DNMT3B: variants seen among roughly 807,000 people sequenced by gnomAD.
The protein encoded by DNMT3B is DNA (cytosine-5)-methyltransferase 3B.
DNMT3B carries 37 observed loss-of-function variants against 120.2 expected under a neutral mutation model. The observed-to-expected ratio is 0.31, with a 90% CI of 0.24 to 0.40. The LOEUF is 0.40. DNMT3B is among the 10% of genes least tolerant of loss of function. The probability of loss-of-function intolerance (pLI) is 1.00; values close to 1 mark genes in which losing one functional copy is unlikely to be tolerated. For synonymous variants in DNMT3B, 412 were observed against 442.8 expected (o/e 0.93, Z 0.87); for missense variants, 878 against 1,137.3 (o/e 0.77, Z 3.28).
At chr20:32,768,111 G>A (rs1307154698) in intron 1 of DNMT3B, among the ~76,000 whole-genome samples, 3 of 152,162 alleles carry the variant, frequency 2.0e-5, no homozygotes, top group Non-Finnish European at 2.9e-5. Context: ...TTGAACTCCT[G>A]GGTCAAGTGA....
At chr20:32,793,646 C>T (rs765374165) in intron 10 of DNMT3B, 51 bp downstream of exon 10, 1 of 1,598,278 alleles carries the variant, frequency 6.3e-7, no homozygotes, top group South Asian at 1.1e-5. Context: ...GCACTTTCTT[C>T]TGATTTCTTT....
chr20:32,763,091 G>A (rs1253589713), intron 1 of DNMT3B, among the ~76,000 whole-genome samples: 1 of 152,142 alleles, frequency 6.6e-6, no homozygotes, highest in Non-Finnish European at 1.5e-5. Flanking sequence ...CAGGGGCTTT[G>A]CTCATGGGCA....
In DNMT3B at chr20:32,787,452, G is replaced by A; in HGVS notation, c.654+1G>A. ...AGATGGAGACAGTTCAGAGTATCAG[G>A]TATGGCCGAGAGGGGCTCCTGCCCA... is the stretch of plus-strand genomic sequence containing the variant. On this transcript the variant is annotated splice_donor_variant, in intron 6 of 22. Transcript: ENST00000328111. LOFTEE classifies it high-confidence loss of function. The A allele has an allele frequency of 6.2e-7, 1 of 1,612,924 alleles. No individual in the cohort carries two copies. Among genetic ancestry groups the A allele is most frequent in the African/African-American group, 1.3e-5 (1 of 75,038 alleles).
rs577581342 is a variant in DNMT3B at position 32,798,630 on chromosome 20, C to T, written c.1661C>T (p.Thr554Met). The change falls in exon 15 of 23, where the codon ACG becomes ATG. Residue 554 changes from threonine (T) to methionine (M), a missense_variant. This residue lies in a region of DNMT3B where 334 missense variants were observed against 518.8 expected (regional missense o/e 0.64). Coordinates refer to ENST00000328111, the MANE Select transcript of DNMT3B (RefSeq NM_006892.4). ...VRLQAFFTSD[T>M]GLEYEAPKLY... ...CTGCAGGCCTTCTTCACCAGTGACA[C>T]GGGGCTTGAATATGTAAGCCACAGG... The T allele has an allele frequency of 9.4e-5, 151 of 1,613,824 alleles. 1 individual carries two copies. The South Asian group carries it at 1.0e-3, about 11-fold the overall frequency.
In DNMT3B at chr20:32,800,975, C is replaced by G. The variant is rs1423559136; in HGVS notation, c.1996+50C>G. ...CCCTGGAGAGCCTATGTCACCTGAC[C>G]ACTGGCCCAGGTGCAGCAGCCTGAG... is the stretch of plus-strand genomic sequence containing the variant. On this transcript the variant is annotated intron_variant, in intron 18 of 22. Transcript: ENST00000328111. 10 of 1,603,550 alleles carry G rather than the reference C, an allele frequency of 6.2e-6. No homozygotes were observed. In the Admixed American group the frequency reaches 1.5e-4, roughly 24 times the overall value.
At chr20:32,783,912 A>AT (rs3080495) in intron 3 of DNMT3B, among the ~76,000 whole-genome samples, 58,623 of 134,178 alleles carry the variant, frequency 0.44, 13,244 homozygotes, top group East Asian at 0.92. Context: ...TTGTATTTGT[A>AT]TTTTTTTTTT....
chr20:32,807,990 T>C lies in DNMT3B; in HGVS notation c.*87T>C, dbSNP rs1982154624. The C allele has an allele frequency of 1.2e-6, 2 of 1,607,702 alleles. No homozygotes were observed. The highest frequency in any genetic ancestry group is 2.7e-5 in the African/African-American group (2 of 74,802). On this transcript the variant is annotated 3_prime_UTR_variant, in exon 23 of 23. Transcript: ENST00000328111. ...TCCTGAAGGCATCCCCAGGCCCTGC[T>C]CTTCCTCAGCTGTGTGGGTCATACC... is the stretch of plus-strand genomic sequence containing the variant.
Position 32,771,776 on chromosome 20 carries a change from A to G in DNMT3B, c.-6-8542A>G, listed in dbSNP as rs559816013. On this transcript the variant is annotated intron_variant, in intron 1 of 22. Coordinates refer to ENST00000328111, the MANE Select transcript of DNMT3B (RefSeq NM_006892.4). ...TAGGTGTCTGGCTTTACTTACGGGGAAAAATATTAGGTCCCTATCTCATAC... is the reference window on the plus strand; with the variant it reads ...TAGGTGTCTGGCTTTACTTACGGGGGAAAATATTAGGTCCCTATCTCATAC... 4.4e-3 allele frequency among the ~76,000 whole-genome samples: 672 copies of G among 152,240 alleles called. 5 individuals are homozygous for G. Among genetic ancestry groups the G allele is most frequent in the Non-Finnish European group, 6.8e-3 (462 of 68,028 alleles).
chr20:32,780,482 G>C lies in DNMT3B; in HGVS notation c.142+17G>C, dbSNP rs1184110671. The C allele has an allele frequency of 1.1e-5, 17 of 1,610,142 alleles. No homozygotes were observed. Among genetic ancestry groups the C allele is most frequent in the Middle Eastern group, 1.7e-4 (1 of 6,052 alleles). On this transcript the variant is annotated intron_variant, in intron 2 of 22. Transcript: ENST00000328111. ...AGATCAGAGGTGGCTGGGCAGTGGG[G>C]ACTGGGGTGGTGTCAGGCGCTGACA... is the stretch of plus-strand genomic sequence containing the variant.
intron 5 of DNMT3B, 65 bp downstream of exon 5, chr20:32,786,692 T>TG (rs1381482613): frequency 3.7e-6 from 6 of 1,608,766 alleles, no homozygotes; most frequent in Non-Finnish European, 5.1e-6. Flanking sequence ...CCTCACTCAC[T>TG]GCACTACTGG....
At position 32,788,991 on chromosome 20, in the gene DNMT3B, T is replaced by C. The variant is rs557352923; in HGVS notation, c.792T>C (p.Phe264=). 1.2e-6 allele frequency: 2 copies of C among 1,614,150 alleles called. No individual in the cohort carries two copies. Among genetic ancestry groups the C allele is most frequent in the African/African-American group, 1.3e-5 (1 of 75,048 alleles). The change falls in exon 7 of 23, where the codon TTT becomes TTC. Residue 264 remains phenylalanine (F), a synonymous_variant. Coordinates refer to ENST00000328111, the MANE Select transcript of DNMT3B (RefSeq NM_006892.4). ...CTGGCATGCGGTGGGTCCAGTGGTT[T>C]GGCGATGGCAAGTTCTCCGAGGTGA... ...AMSGMRWVQW[F]GDGKFSEVSA...
chr20:32,786,458 C>T (rs768336480), intron 4 of DNMT3B, 44 bp from the exon 5 acceptor site: 10 of 1,613,524 alleles, frequency 6.2e-6, no homozygotes, highest in African/African-American at 1.3e-5. Flanking sequence ...GACCCCAGGC[C>T]TCCAGTCACC....
At chr20:32,802,329 T>G (rs953822662) in intron 19 of DNMT3B, 56 bp from the exon 20 acceptor site, 179 of 1,576,418 alleles carry the variant, frequency 1.1e-4, no homozygotes, top group Non-Finnish European at 1.3e-4. Flanking sequence ...AAAGGTCTGG[T>G]TGACACTGAA....
intron 10 of DNMT3B, among the ~76,000 whole-genome samples, 167 bp downstream of exon 10, chr20:32,793,762 T>G (rs1484808573): frequency 6.6e-6 from 1 of 152,172 alleles, no homozygotes; most frequent in Non-Finnish European, 1.5e-5. Flanking sequence ...CCCTCCAGGT[T>G]AACGTTGGGT....
chr20:32,776,923 C>T (rs764512262), intron 1 of DNMT3B, among the ~76,000 whole-genome samples: 2 of 151,596 alleles, frequency 1.3e-5, no homozygotes, highest in Non-Finnish European at 2.9e-5. Flanking sequence ...TCTTGGCCTG[C>T]GTGTAGACTG....
At chr20:32,798,980 CTG>C (rs1302301576) in intron 15 of DNMT3B, among the ~76,000 whole-genome samples, 1 of 152,212 alleles carries the variant, frequency 6.6e-6, no homozygotes, top group Non-Finnish European at 1.5e-5. Flanking sequence ...TAGGTCATTC[CTG>C]TCTGGGGTGA....
At chr20:32,779,615 A>G (rs1242836716) in intron 1 of DNMT3B, among the ~76,000 whole-genome samples, 1 of 152,168 alleles carries the variant, frequency 6.6e-6, no homozygotes, top group African/African-American at 2.4e-5. Flanking sequence ...GGATCTGGGG[A>G]GTCCCCCTCC....
chr20:32,785,653 A>T (rs1003449482), intron 4 of DNMT3B, among the ~76,000 whole-genome samples: 1 of 152,152 alleles, frequency 6.6e-6, no homozygotes, highest in Non-Finnish European at 1.5e-5. Flanking sequence ...ATGAGAGAAG[A>T]TTCCAGCAAC....
At chr20:32,797,132 A>C in intron 13 of DNMT3B, 55 bp from the exon 14 acceptor site, 1 of 1,608,600 alleles carries the variant, frequency 6.2e-7, no homozygotes, top group Non-Finnish European at 8.5e-7. Flanking sequence ...GCAAGCCGGC[A>C]GGGCCTGCCC....
Sources: allele counts gnomAD v4.1 joint callset (sites outside exome capture counted in the v4.1 genomes callset), GRCh38; gene constraint gnomAD v4.1.1; regional missense constraint gnomAD v4.1.1; transcripts MANE v1.5; gene names NCBI Gene and HGNC (gene_info 2026-07-23, HGNC 2026-07-21).